Variants in TECTB observed in about 807,000 individuals in gnomAD.
TECTB encodes tectorin beta, also known as beta-tectorin.
In TECTB, 45 loss-of-function variants were observed where a neutral mutation model predicts 43.3. That is an observed-to-expected ratio of 1.04 (90% CI 0.82 to 1.33). TECTB has a LOEUF of 1.33. Ranked by LOEUF, TECTB falls within the 40% of genes most tolerant of loss-of-function variation. The probability of loss-of-function intolerance (pLI) is 0.00; values close to 1 mark genes in which losing one functional copy is unlikely to be tolerated. For synonymous variants in TECTB, 169 were observed against 156.7 expected (o/e 1.08, Z -0.59); for missense variants, 399 against 404.7 (o/e 0.99, Z 0.12).
chr10:112,294,396 G>A (rs190965201), intron 7 of TECTB, among the ~76,000 whole-genome samples: 30 of 152,256 alleles, frequency 2.0e-4, no homozygotes, highest in African/African-American at 6.5e-4. Flanking sequence ...GTGCGCATGC[G>A]TGTGTGTGCA....
intron 9 of TECTB, 38 bp downstream of exon 9, chr10:112,299,602 G>A: frequency 6.2e-7 from 1 of 1,607,128 alleles, no homozygotes; most frequent in Non-Finnish European, 8.5e-7. Context: ...CCAAACGGTT[G>A]AGTTCACGCT....
chr10:112,303,461 T>C lies in TECTB; in HGVS notation c.*149T>C, dbSNP rs191990595. The C allele has an allele frequency of 6.6e-5, 63 of 948,330 alleles. No individual in the cohort carries two copies. The East Asian group carries it at 1.4e-3, about 20-fold the overall frequency. 58.7% of individuals were successfully genotyped at this position (948,330 alleles called of 1,614,324 possible). A position where few individuals can be genotyped will look rare whatever the true frequency, so the allele number is the denominator to read the frequency against. ...TTTGCCAAATATGCACTCCAATAATTTCTGTGAATTTGGTGATGCCTTTTT... is the reference window on the plus strand; with the variant it reads ...TTTGCCAAATATGCACTCCAATAATCTCTGTGAATTTGGTGATGCCTTTTT... On this transcript the variant is annotated 3_prime_UTR_variant, in exon 11 of 11. Coordinates refer to ENST00000646139, the MANE Select transcript of TECTB (RefSeq NM_058222.3).
chr10:112,298,312 A>G, intron 8 of TECTB, 81 bp downstream of exon 8: 8 of 1,527,470 alleles, frequency 5.2e-6, no homozygotes, highest in Non-Finnish European at 6.2e-6. Context: ...TGGGGAGATC[A>G]TAACCAGGCC....
Position 112,284,674 on chromosome 10 carries a change from G to A in TECTB, c.216G>A (p.Val72=), listed in dbSNP as rs747134520. The A allele has an allele frequency of 1.2e-5, 19 of 1,612,092 alleles. No individual in the cohort carries two copies. Among genetic ancestry groups the A allele is most frequent in the Middle Eastern group, 3.3e-4 (2 of 6,072 alleles). ...GVHEGGYYQF[V]IPDLSPKNKS... is the part of the protein sequence containing the mutation. ...ACGAAGGAGGTTACTACCAATTTGT[G>A]ATCCCAGATTTATCACCTAAAAACA... The change falls in exon 3 of 11, where the codon GTG becomes GTA. Residue 72 remains valine (V), a synonymous_variant. Coordinates refer to ENST00000646139, the MANE Select transcript of TECTB (RefSeq NM_058222.3).
chr10:112,283,857 A>G (rs1356340419), intron 2 of TECTB, 47 bp downstream of exon 2: 2 of 1,594,456 alleles, frequency 1.3e-6, no homozygotes, highest in South Asian at 2.3e-5. Context: ...AGTTTCCTGA[A>G]GTTTCCTTTT....
intron 6 of TECTB, 45 bp from the exon 7 acceptor site, chr10:112,293,933 T>C: frequency 6.2e-7 from 1 of 1,610,128 alleles, no homozygotes; most frequent in Non-Finnish European, 8.5e-7. Context: ...TTTGTAGGCA[T>C]AAGATTCTCT....
rs1390237389 is a variant in TECTB at position 112,293,855 on chromosome 10, C to G, written c.587+14C>G. Reference sequence around the variant, plus strand: ...GTTAAGCATTAGGTAAGTACATTTCCTCCAAGTTTATATGTTTAAATGCAA... The same window carrying G: ...GTTAAGCATTAGGTAAGTACATTTCGTCCAAGTTTATATGTTTAAATGCAA... On this transcript the variant is annotated intron_variant, in intron 6 of 10. Transcript: ENST00000646139. 2.5e-6 allele frequency: 4 copies of G among 1,612,984 alleles called. No individual in the cohort carries two copies. In the East Asian group the frequency reaches 6.7e-5, roughly 27 times the overall value.
chr10:112,284,335 A>AT (rs1249943038), intron 2 of TECTB, among the ~76,000 whole-genome samples, 200 bp from the exon 3 acceptor site: 6 of 152,362 alleles, frequency 3.9e-5, no homozygotes, highest in African/African-American at 1.4e-4. Context: ...CATTAAATAA[A>AT]TGCAGCAAAA....
chr10:112,283,880 A>G lies in TECTB; in HGVS notation c.76+70A>G, dbSNP rs572032090. ...GAAGTTTCCTTTTACAATGCTCAGC[A>G]CTTCTGTGCTTAACTTGTTATAAAA... On this transcript the variant is annotated intron_variant, in intron 2 of 10. Transcript: ENST00000646139. 67 of 1,494,082 alleles carry G rather than the reference A, an allele frequency of 4.5e-5. No individual in the cohort carries two copies. In the African/African-American group the frequency reaches 8.6e-4, roughly 19 times the overall value. 92.6% of individuals were successfully genotyped at this position (1,494,082 alleles called of 1,614,324 possible).
chr10:112,297,828 C>G (rs990027060), intron 7 of TECTB, among the ~76,000 whole-genome samples: 6 of 152,160 alleles, frequency 3.9e-5, no homozygotes, highest in Non-Finnish European at 8.8e-5. Flanking sequence ...AAGTGTGACT[C>G]TTATAAGTCA....
chr10:112,285,290 G>T (rs376588361), intron 3 of TECTB, among the ~76,000 whole-genome samples: 1 of 152,296 alleles, frequency 6.6e-6, no homozygotes, highest in South Asian at 2.1e-4. Flanking sequence ...CACAGAGCCT[G>T]TAGGGATGGA....
In TECTB at chr10:112,284,544, T is replaced by A; in HGVS notation, c.86T>A (p.Leu29His). 2 of 1,607,856 alleles carry A rather than the reference T, an allele frequency of 1.2e-6. No homozygotes were observed. The highest frequency in any genetic ancestry group is 1.7e-6 in the Non-Finnish European group (2 of 1,176,516). Residue 29 changes from leucine (L) to histidine (H), a missense_variant, in exon 3 of 11, where the codon CTT becomes CAT. Physicochemically the swap from Leu to His is moderately conservative, Grantham distance 99. Coordinates refer to ENST00000646139, the MANE Select transcript of TECTB (RefSeq NM_058222.3). ...TGTGTGCTCTTTCCAGATGTCATTCTTGTGTTTTGCTATCCCAAAACCATC... is the reference window on the plus strand; with the variant it reads ...TGTGTGCTCTTTCCAGATGTCATTCATGTGTTTTGCTATCCCAAAACCATC... ...SCAPNKADVI[L>H]VFCYPKTIIT... is the part of the protein sequence containing the mutation.
chr10:112,286,476 C>T (rs1403273842), intron 5 of TECTB, 85 bp downstream of exon 5: 1 of 1,422,228 alleles, frequency 7.0e-7, no homozygotes, highest in African/African-American at 1.4e-5. Context: ...ATTCAGTCTT[C>T]CCCAAGCTCT....
chr10:112,295,700 G>A (rs1848540569), intron 7 of TECTB, among the ~76,000 whole-genome samples: 1 of 152,194 alleles, frequency 6.6e-6, no homozygotes, highest in African/African-American at 2.4e-5. Flanking sequence ...TGACCTGCAG[G>A]GACCAGAAAT....
intron 7 of TECTB, among the ~76,000 whole-genome samples, chr10:112,296,539 T>A (rs1006126500): frequency 6.6e-6 from 1 of 152,226 alleles, no homozygotes; most frequent in Non-Finnish European, 1.5e-5. Flanking sequence ...CATCTTGAGT[T>A]CATACGAGGA....
At chr10:112,299,852 C>T (rs567092807) in intron 9 of TECTB, among the ~76,000 whole-genome samples, 1 of 151,960 alleles carries the variant, frequency 6.6e-6, no homozygotes, top group Admixed American at 6.6e-5. Flanking sequence ...ATGCAGTGAA[C>T]AATAATAATA....
At chr10:112,293,357 T>C (rs1926560) in intron 5 of TECTB, among the ~76,000 whole-genome samples, 16,225 of 152,168 alleles carry the variant, frequency 0.11, 1,223 homozygotes, top group African/African-American at 0.21. Flanking sequence ...TAGCAACGAG[T>C]GAGGGCAGAG....
chr10:112,298,254 G>A, intron 8 of TECTB, 23 bp downstream of exon 8: 1 of 1,604,164 alleles, frequency 6.2e-7, no homozygotes. Flanking sequence ...TCTCCAGAAG[G>A]ACAATGTTAC....
intron 9 of TECTB, among the ~76,000 whole-genome samples, chr10:112,301,082 T>A (rs1399142511): frequency 6.6e-6 from 1 of 152,172 alleles, no homozygotes; most frequent in Non-Finnish European, 1.5e-5. Context: ...TTTATGTGGT[T>A]CAAAAAAAGA....
Sources: gnomAD v4.1 joint callset for allele counts (sites outside exome capture counted in the v4.1 genomes callset) on GRCh38, gnomAD v4.1.1 for gene constraint, MANE v1.5 for transcripts, NCBI Gene and HGNC (gene_info 2026-07-23, HGNC 2026-07-21) for gene names.